KCNB2: variants seen among roughly 807,000 people sequenced by gnomAD.
KCNB2 encodes delayed rectifier potassium channel protein.
A neutral mutation model predicts 61.5 loss-of-function variants in KCNB2; 15 were observed. The observed-to-expected ratio is 0.24, with a 90% CI of 0.16 to 0.38. The LOEUF is 0.38. Ranked by LOEUF, KCNB2 falls within the 10% of genes least tolerant of loss-of-function variation. The pLI, the probability that KCNB2 is intolerant of heterozygous loss-of-function variation, is 1.00. For synonymous variants in KCNB2, 457 were observed against 446.0 expected, an observed-to-expected ratio of 1.02 and a Z score of -0.31; for missense variants, 828 against 1,125.2, an observed-to-expected ratio of 0.74 and a Z score of 3.78.
chr8:72,586,286 T>G (rs1187042442), intron 2 of KCNB2, among the ~76,000 whole-genome samples: 1 of 152,228 alleles, frequency 6.6e-6, no homozygotes, highest in Admixed American at 6.5e-5. Context: ...AAGATTCCAT[T>G]TGTAGCCACT....
At chr8:72,828,459 C>T (rs1322530168) in intron 2 of KCNB2, among the ~76,000 whole-genome samples, 1 of 152,028 alleles carries the variant, frequency 6.6e-6, no homozygotes, top group Non-Finnish European at 1.5e-5. Flanking sequence ...TTAATGTGCA[C>T]ATTTTATTAC....
chr8:72,626,955 C>A (rs1339832509), intron 2 of KCNB2, among the ~76,000 whole-genome samples: 1 of 152,160 alleles, frequency 6.6e-6, no homozygotes, highest in African/African-American at 2.4e-5. Context: ...TTTTACATAA[C>A]CAGGCTAACT....
chr8:72,781,182 G>T lies in KCNB2; in HGVS notation c.580-154753G>T, dbSNP rs1439887187. Among the ~76,000 whole-genome samples, 5 of 152,134 alleles carry T rather than the reference G, an allele frequency of 3.3e-5. No individual in the cohort carries two copies. In the South Asian group the frequency reaches 1.0e-3, roughly 31 times the overall value. On this transcript the variant is annotated intron_variant, in intron 2 of 2. Transcript: ENST00000523207. ...CTGTAGGTTGTCTCTTCACTCTGATGATAGTTTCTTTTGCTGTGCAGGAGC... is the reference window on the plus strand; with the variant it reads ...CTGTAGGTTGTCTCTTCACTCTGATTATAGTTTCTTTTGCTGTGCAGGAGC...
At chr8:72,821,350 T>C (rs58603870) in intron 2 of KCNB2, among the ~76,000 whole-genome samples, 4,916 of 152,114 alleles carry the variant, frequency 0.032, 271 homozygotes, top group African/African-American at 0.11. Flanking sequence ...CTAAAGAAGA[T>C]CTGTACAACA....
intron 2 of KCNB2, among the ~76,000 whole-genome samples, chr8:72,764,012 A>G (rs756098690): frequency 1.3e-5 from 2 of 152,144 alleles, no homozygotes; most frequent in African/African-American, 2.4e-5. Flanking sequence ...GTAGTTCTCC[A>G]TGCCAGGAGT....
At chr8:72,663,363 G>A (rs769507507) in intron 2 of KCNB2, among the ~76,000 whole-genome samples, 20 of 152,130 alleles carry the variant, frequency 1.3e-4, no homozygotes, top group Non-Finnish European at 2.8e-4. Flanking sequence ...AGGTAATTTG[G>A]AATCATTATT....
intron 2 of KCNB2, among the ~76,000 whole-genome samples, chr8:72,809,893 T>C (rs1809280572): frequency 6.6e-6 from 1 of 152,206 alleles, no homozygotes; most frequent in African/African-American, 2.4e-5. Context: ...TCTTATTATT[T>C]TATTTGTATC....
At chr8:72,740,034 A>G (rs1159416777) in intron 2 of KCNB2, among the ~76,000 whole-genome samples, 1 of 152,194 alleles carries the variant, frequency 6.6e-6, no homozygotes, top group Non-Finnish European at 1.5e-5. Context: ...AGCATTTTGT[A>G]AATACTCTTC....
At chr8:72,932,704 A>G (rs992301802) in intron 2 of KCNB2, among the ~76,000 whole-genome samples, 6 of 152,186 alleles carry the variant, frequency 3.9e-5, no homozygotes, top group African/African-American at 1.4e-4. Flanking sequence ...GTGCTGAAAC[A>G]ATGGTTGTGG....
At chr8:72,544,082 C>CA (rs1449984707) in intron 1 of KCNB2, among the ~76,000 whole-genome samples, 4 of 152,220 alleles carry the variant, frequency 2.6e-5, no homozygotes, top group African/African-American at 9.6e-5. Flanking sequence ...GTGGGATAGT[C>CA]AGACAGGACT....
intron 2 of KCNB2, among the ~76,000 whole-genome samples, chr8:72,871,563 C>T (rs1805617838): frequency 6.6e-6 from 1 of 152,228 alleles, no homozygotes; most frequent in South Asian, 2.1e-4. Flanking sequence ...TTTCCCATCC[C>T]AGTGTTGACA....
chr8:72,666,334 G>T (rs1806471384), intron 2 of KCNB2, among the ~76,000 whole-genome samples: 1 of 134,312 alleles, frequency 7.4e-6, no homozygotes, highest in African/African-American at 3.8e-5. Context: ...GCTTAAAAGA[G>T]GGAAAAAAGG....
intron 2 of KCNB2, 34 bp downstream of exon 2, chr8:72,568,347 G>A: frequency 6.5e-7 from 1 of 1,540,002 alleles, no homozygotes; most frequent in South Asian, 1.2e-5. Flanking sequence ...GCCTGTGTGT[G>A]GTCAGAAAAG....
At chr8:72,711,930 T>A (rs1384786673) in intron 2 of KCNB2, among the ~76,000 whole-genome samples, 1 of 152,202 alleles carries the variant, frequency 6.6e-6, no homozygotes, top group African/African-American at 2.4e-5. Flanking sequence ...AGGCAGAGGC[T>A]GCAGTGAGCT....
At position 72,584,111 on chromosome 8, in the gene KCNB2, A is replaced by C. The variant is rs536135216; in HGVS notation, c.579+15798A>C. ...CAAAACAAAACAAAACAAAACAAAA[A>C]AAAACAGAAAAAAACCGTTTAGAGG... On this transcript the variant is annotated intron_variant, in intron 2 of 2. Coordinates refer to ENST00000523207, the MANE Select transcript of KCNB2 (RefSeq NM_004770.3). 3.3e-3 allele frequency among the ~76,000 whole-genome samples: 495 copies of C among 149,290 alleles called. 5 individuals are homozygous for C. The highest frequency in any genetic ancestry group is 9.6e-3 in the African/African-American group (393 of 41,146).
intron 2 of KCNB2, among the ~76,000 whole-genome samples, chr8:72,689,289 G>A (rs1464715280): frequency 6.6e-6 from 1 of 152,104 alleles, no homozygotes; most frequent in Non-Finnish European, 1.5e-5. Context: ...CATTCTGGTG[G>A]AAATGAATAG....
intron 2 of KCNB2, among the ~76,000 whole-genome samples, chr8:72,692,696 T>C (rs1806957875): frequency 6.6e-6 from 1 of 151,824 alleles, no homozygotes; most frequent in Non-Finnish European, 1.5e-5. Flanking sequence ...TCTATAATTG[T>C]ATTCCATATT....
intron 2 of KCNB2, among the ~76,000 whole-genome samples, chr8:72,848,008 G>A (rs1585929241): frequency 6.6e-6 from 1 of 152,138 alleles, no homozygotes; most frequent in Non-Finnish European, 1.5e-5. Context: ...CACAAGCCAG[G>A]CCTGCCCTAT....
At chr8:72,932,101 CG>C (rs1806797311) in intron 2 of KCNB2, among the ~76,000 whole-genome samples, 1 of 152,090 alleles carries the variant, frequency 6.6e-6, no homozygotes, top group African/African-American at 2.4e-5. Context: ...TAAGTGTTCC[CG>C]GACCAAACCA....
Sources: gnomAD v4.1 joint callset for allele counts (sites outside exome capture counted in the v4.1 genomes callset) on GRCh38, gnomAD v4.1.1 for gene constraint, MANE v1.5 for transcripts, NCBI Gene and HGNC (gene_info 2026-07-23, HGNC 2026-07-21) for gene names.